Variants in CA10 observed in about 807,000 individuals in gnomAD.
CA10 encodes the protein carbonic anhydrase 10 (inactive), also known as carbonic anhydrase-related protein 10.
In CA10, 14 loss-of-function variants were observed where a neutral mutation model predicts 44.2. The observed-to-expected ratio is 0.32, with a 90% CI of 0.21 to 0.50. The LOEUF (loss-of-function observed/expected upper bound fraction) is 0.50. CA10 is among the 20% of genes least tolerant of loss of function. CA10 has a pLI of 0.99. For synonymous variants in CA10, 159 were observed against 141.6 expected (o/e 1.12, Z -0.87); for missense variants, 350 against 409.7 (o/e 0.85, Z 1.26).
At chr17:51,921,168 T>C (rs182102913) in intron 3 of CA10, among the ~76,000 whole-genome samples, 2 of 152,300 alleles carry the variant, frequency 1.3e-5, no homozygotes, top group Admixed American at 1.3e-4. Flanking sequence ...ATCTAACCAC[T>C]GCTCATACAG....
intron 3 of CA10, among the ~76,000 whole-genome samples, chr17:51,827,366 A>G (rs1485353573): frequency 1.3e-5 from 2 of 151,936 alleles, no homozygotes; most frequent in African/African-American, 4.8e-5. Flanking sequence ...ACACACACAC[A>G]TACACACACA....
At chr17:51,684,928 T>G (rs1914959716) in intron 4 of CA10, among the ~76,000 whole-genome samples, 1 of 152,186 alleles carries the variant, frequency 6.6e-6, no homozygotes, top group Admixed American at 6.5e-5. Context: ...GTGGGTGGTT[T>G]GTTTCTTAGC....
At chr17:51,933,090 C>A (rs1982729387) in intron 2 of CA10, among the ~76,000 whole-genome samples, 1 of 152,120 alleles carries the variant, frequency 6.6e-6, no homozygotes. Context: ...CTGAGTGGCC[C>A]TTGGTAAGTC....
chr17:51,983,231 C>A (rs559427742), intron 2 of CA10, among the ~76,000 whole-genome samples: 2 of 151,960 alleles, frequency 1.3e-5, no homozygotes, highest in East Asian at 3.9e-4. Context: ...TTCTTCACAT[C>A]AGCAAACCTG....
intron 3 of CA10, among the ~76,000 whole-genome samples, chr17:51,859,756 A>T (rs1490173365): frequency 6.6e-6 from 1 of 152,196 alleles, no homozygotes; most frequent in East Asian, 1.9e-4. Context: ...GACGTGATGC[A>T]AAAGGGCATT....
At chr17:51,914,697 C>T (rs1306331555) in intron 3 of CA10, among the ~76,000 whole-genome samples, 2 of 152,158 alleles carry the variant, frequency 1.3e-5, no homozygotes, top group Non-Finnish European at 2.9e-5. Context: ...CCCATGCTGC[C>T]TTCTTCCTAA....
At chr17:51,723,578 T>A (rs1598010134) in intron 4 of CA10, among the ~76,000 whole-genome samples, 1 of 152,020 alleles carries the variant, frequency 6.6e-6, no homozygotes, top group East Asian at 1.9e-4. Context: ...TTGTATAATA[T>A]CAAGGAATGA....
At chr17:51,705,594 A>AAT (rs1269251962) in intron 4 of CA10, among the ~76,000 whole-genome samples, 1 of 152,144 alleles carries the variant, frequency 6.6e-6, no homozygotes, top group African/African-American at 2.4e-5. Flanking sequence ...GAGGACAGGA[A>AAT]ATAGCATCCT....
chr17:51,981,706 T>C (rs1174679873), intron 2 of CA10, among the ~76,000 whole-genome samples: 1 of 152,058 alleles, frequency 6.6e-6, no homozygotes, highest in Non-Finnish European at 1.5e-5. Flanking sequence ...TGATTAGTAA[T>C]AAAACCTGAT....
intron 3 of CA10, among the ~76,000 whole-genome samples, chr17:51,895,154 G>A (rs755980226): frequency 1.3e-5 from 2 of 152,010 alleles, no homozygotes; most frequent in Non-Finnish European, 2.9e-5. Context: ...CTTGCATGCG[G>A]ATATGGAAAA....
At chr17:52,037,367 G>A (rs967552128) in intron 2 of CA10, among the ~76,000 whole-genome samples, 2 of 152,014 alleles carry the variant, frequency 1.3e-5, no homozygotes, top group African/African-American at 4.8e-5. Context: ...AGGAGGAGTT[G>A]CAGTCAACAA....
chr17:51,717,062 G>A (rs575352476), intron 4 of CA10, among the ~76,000 whole-genome samples: 17 of 152,276 alleles, frequency 1.1e-4, no homozygotes, highest in African/African-American at 4.1e-4. Context: ...TCTGTCCCCA[G>A]TCCCTGGCAC....
At chr17:52,061,643 A>C (rs940675212) in intron 2 of CA10, among the ~76,000 whole-genome samples, 1 of 152,088 alleles carries the variant, frequency 6.6e-6, no homozygotes, top group Non-Finnish European at 1.5e-5. Flanking sequence ...ATGAAATCTC[A>C]TGGTTTTGTA....
At chr17:51,932,494 G>A (rs1317787878) in intron 2 of CA10, among the ~76,000 whole-genome samples, 1 of 152,092 alleles carries the variant, frequency 6.6e-6, no homozygotes, top group East Asian at 1.9e-4. Context: ...CTAAAAATAA[G>A]TTCCTTGGCC....
At chr17:51,831,732 G>GCAGCAGCAGCAGCAGCAGCAGC (rs1567854679) in intron 3 of CA10, among the ~76,000 whole-genome samples, 164 of 145,766 alleles carry the variant, frequency 1.1e-3, no homozygotes, top group South Asian at 4.4e-3. Flanking sequence ...AGCAGCAGCA[G>GCAGCAGCAGCAGCAGCAGCAGC]AAAAAGACCT....
At chr17:51,903,418 T>C (rs961173062) in intron 3 of CA10, among the ~76,000 whole-genome samples, 1 of 152,156 alleles carries the variant, frequency 6.6e-6, no homozygotes, top group Non-Finnish European at 1.5e-5. Flanking sequence ...CTGCATATAG[T>C]AGATGGTAAT....
At chr17:51,771,211 C>A (rs535608178) in intron 3 of CA10, among the ~76,000 whole-genome samples, 2 of 151,070 alleles carry the variant, frequency 1.3e-5, no homozygotes, top group African/African-American at 4.9e-5. Flanking sequence ...CATGAGGGAT[C>A]CACCCCTATG....
chr17:52,147,870 C>T (rs1483605059), intron 1 of CA10, among the ~76,000 whole-genome samples: 1 of 152,060 alleles, frequency 6.6e-6, no homozygotes, highest in African/African-American at 2.4e-5. Flanking sequence ...TTCTATAACC[C>T]CTTTTTATTT....
chr17:51,700,769 G>A (rs1166638470), intron 4 of CA10, among the ~76,000 whole-genome samples: 1 of 152,126 alleles, frequency 6.6e-6, no homozygotes, highest in African/African-American at 2.4e-5. Flanking sequence ...CAAACTGAGG[G>A]ACATAGATGG....
Sources: gnomAD v4.1 joint callset for allele counts (sites outside exome capture counted in the v4.1 genomes callset) on GRCh38, gnomAD v4.1.1 for gene constraint, MANE v1.5 for transcripts, NCBI Gene and HGNC (gene_info 2026-07-23, HGNC 2026-07-21) for gene names.